PXDNL: variants seen among roughly 807,000 people sequenced by gnomAD.
PXDNL encodes probable oxidoreductase PXDNL.
A neutral mutation model predicts 150.8 loss-of-function variants in PXDNL; 145 were observed. The ratio of observed to expected loss-of-function variants is 0.96; its 90% CI spans 0.84 to 1.10. PXDNL has a LOEUF of 1.10. Among genes scored for constraint, PXDNL ranks in the 50% least tolerant of loss-of-function variants. PXDNL has a pLI of 0.00. For synonymous variants in PXDNL, 757 were observed against 725.7 expected (o/e 1.04, Z -0.69); for missense variants, 2,087 against 1,873.9 (o/e 1.11, Z -2.10).
chr8:51,727,690 CACAA>C (rs753558951), intron 1 of PXDNL, among the ~76,000 whole-genome samples: 3 of 152,128 alleles, frequency 2.0e-5, no homozygotes, highest in Non-Finnish European at 2.9e-5. Context: ...CTCAGTCAAC[CACAA>C]ACAGTCAAGC....
At chr8:51,372,274 T>A (rs1404519977) in intron 18 of PXDNL, among the ~76,000 whole-genome samples, 193 bp from the exon 19 acceptor site, 2 of 152,238 alleles carry the variant, frequency 1.3e-5, no homozygotes, top group Non-Finnish European at 1.5e-5. Context: ...CACATTCTTC[T>A]GAACTATCAC....
At chr8:51,625,357 C>A (rs1208906582) in intron 2 of PXDNL, among the ~76,000 whole-genome samples, 1 of 152,202 alleles carries the variant, frequency 6.6e-6, no homozygotes, top group Non-Finnish European at 1.5e-5. Context: ...GACTTCTAAA[C>A]ATCACCACCA....
chr8:51,548,452 T>G (rs34603144), intron 4 of PXDNL, among the ~76,000 whole-genome samples: 10,529 of 152,222 alleles, frequency 0.069, 459 homozygotes, highest in South Asian at 0.1. Flanking sequence ...AAGTACCAGG[T>G]AGTCTATAAA....
At chr8:51,380,140 AT>A (rs1229548517) in intron 17 of PXDNL, among the ~76,000 whole-genome samples, 2 of 150,908 alleles carry the variant, frequency 1.3e-5, no homozygotes, top group African/African-American at 2.4e-5. Context: ...AAAAAAAAAA[AT>A]AACAAAAAAA....
At chr8:51,433,086 G>A (rs1434949317) in intron 12 of PXDNL, among the ~76,000 whole-genome samples, 2 of 151,964 alleles carry the variant, frequency 1.3e-5, no homozygotes, top group Non-Finnish European at 2.9e-5. Context: ...GGGCGCCCCT[G>A]TAGTCCCAGC....
At chr8:51,601,583 C>A (rs1234667565) in intron 2 of PXDNL, among the ~76,000 whole-genome samples, 1 of 151,970 alleles carries the variant, frequency 6.6e-6, no homozygotes, top group Non-Finnish European at 1.5e-5. Flanking sequence ...TTTTCACTAA[C>A]CCTCTGCTTT....
chr8:51,468,407 G>C (rs1810250053), intron 8 of PXDNL, among the ~76,000 whole-genome samples: 1 of 151,788 alleles, frequency 6.6e-6, no homozygotes, highest in Non-Finnish European at 1.5e-5. Context: ...CACTATAATA[G>C]TCTTACATCA....
rs760520387 is a variant in PXDNL, at chr8:51,411,374, T to C, written c.1938A>G (p.Gln646=). The C allele has an allele frequency of 4.8e-5, 76 of 1,574,980 alleles. No homozygotes were observed. The highest frequency in any genetic ancestry group is 5.8e-5 in the Non-Finnish European group (68 of 1,166,194). ...TCAGTGGGTCACGCGGGTAATGAAA[T>C]TGAGCCAGCAGGTCACTGGAGGTGT... ...KPHTSSDLLA[Q]FHYPRDPLIV... The change falls in exon 16 of 23, where the codon CAA becomes CAG. Residue 646 remains glutamine (Q), a synonymous_variant. Transcript: ENST00000356297.
intron 8 of PXDNL, among the ~76,000 whole-genome samples, chr8:51,465,213 G>A (rs1454169173): frequency 6.6e-6 from 1 of 152,082 alleles, no homozygotes; most frequent in African/African-American, 2.4e-5. Context: ...CCATGACCAA[G>A]TAGGCTTTAT....
At chr8:51,480,011 T>C (rs1009222898) in intron 6 of PXDNL, among the ~76,000 whole-genome samples, 1 of 152,110 alleles carries the variant, frequency 6.6e-6, no homozygotes, top group Non-Finnish European at 1.5e-5. Context: ...AAATAAAGAC[T>C]TGAAGAAAAG....
Position 51,589,686 on chromosome 8 carries a change from C to A in PXDNL, c.308+2941G>T, listed in dbSNP as rs116367434. 3.4e-3 allele frequency among the ~76,000 whole-genome samples: 517 copies of A among 152,182 alleles called. 2 individuals carry two copies. Among genetic ancestry groups the A allele is most frequent in the African/African-American group, 0.012 (494 of 41,528 alleles). ...GGGTGATTAACTAAGATGTCTCATG[C>A]GAGAAATATCTAAAGAGCAGAGCAC... On this transcript the variant is annotated intron_variant, in intron 3 of 22. Coordinates refer to ENST00000356297, the MANE Select transcript of PXDNL (RefSeq NM_144651.5).
chr8:51,493,374 G>A (rs879854123), intron 5 of PXDNL, among the ~76,000 whole-genome samples: 80 of 152,280 alleles, frequency 5.3e-4, no homozygotes, highest in Middle Eastern at 3.4e-3. Context: ...AAATCAGAGC[G>A]CCTCTCCTCC....
intron 4 of PXDNL, among the ~76,000 whole-genome samples, chr8:51,507,735 T>C (rs920387797): frequency 6.6e-6 from 1 of 152,152 alleles, no homozygotes; most frequent in Non-Finnish European, 1.5e-5. Flanking sequence ...TCTGGCAATG[T>C]CTGGAGATGC....
intron 17 of PXDNL, among the ~76,000 whole-genome samples, chr8:51,379,692 A>G (rs116204311): frequency 6.6e-6 from 1 of 152,104 alleles, no homozygotes; most frequent in African/African-American, 2.4e-5. Flanking sequence ...TTTTATATCA[A>G]TTTTACAATT....
At chr8:51,688,183 G>A (rs547905333) in intron 1 of PXDNL, among the ~76,000 whole-genome samples, 1 of 152,244 alleles carries the variant, frequency 6.6e-6, no homozygotes, top group East Asian at 1.9e-4. Context: ...CGGCAGATCA[G>A]TATGACCAGA....
At chr8:51,439,185 G>A (rs1162258161) in intron 12 of PXDNL, among the ~76,000 whole-genome samples, 1 of 152,076 alleles carries the variant, frequency 6.6e-6, no homozygotes, top group Non-Finnish European at 1.5e-5. Flanking sequence ...ATCCAGTGAG[G>A]ACTAATATCC....
At chr8:51,499,429 C>A (rs1327896844) in intron 5 of PXDNL, among the ~76,000 whole-genome samples, 3 of 152,196 alleles carry the variant, frequency 2.0e-5, no homozygotes, top group Admixed American at 6.5e-5. Flanking sequence ...CCTTGCCTGA[C>A]CCCTGATGTA....
At chr8:51,399,054 T>C (rs904472214) in intron 17 of PXDNL, among the ~76,000 whole-genome samples, 5 of 151,810 alleles carry the variant, frequency 3.3e-5, no homozygotes, top group Non-Finnish European at 7.4e-5. Context: ...GCAAGAAAAA[T>C]CAATAGAATA....
At chr8:51,495,392 C>T (rs1032536507) in intron 5 of PXDNL, among the ~76,000 whole-genome samples, 1 of 152,032 alleles carries the variant, frequency 6.6e-6, no homozygotes, top group African/African-American at 2.4e-5. Flanking sequence ...AGAGCAAACA[C>T]ATTCAAAAGC....
Sources: allele counts gnomAD v4.1 joint callset (sites outside exome capture counted in the v4.1 genomes callset), GRCh38; gene constraint gnomAD v4.1.1; transcripts MANE v1.5; gene names NCBI Gene and HGNC (gene_info 2026-07-23, HGNC 2026-07-21).